The following MYO18A variants were observed in gnomAD, a reference collection of about 807,000 sequenced individuals.
The protein encoded by MYO18A is myosin XVIIIA, also known as unconventional myosin-XVIIIa.
MYO18A carries 78 observed loss-of-function variants against 235.8 expected under a neutral mutation model. That is an observed-to-expected ratio of 0.33 (90% CI 0.28 to 0.40). The LOEUF (loss-of-function observed/expected upper bound fraction) is 0.40, where lower values mean the gene tolerates loss of function less well. Ranked by LOEUF, MYO18A falls within the 10% of genes least tolerant of loss-of-function variation. The pLI is 1.00. For missense variants in MYO18A, 2,215 were observed against 2,699.3 expected (o/e 0.82, Z 3.98); for synonymous variants, 977 against 1,077.8 (o/e 0.91, Z 1.83).
chr17:29,156,067 C>T (rs1666072596), intron 2 of MYO18A, among the ~76,000 whole-genome samples: 1 of 152,230 alleles, frequency 6.6e-6, no homozygotes, highest in Admixed American at 6.5e-5. Context: ...TCTCTCCTCC[C>T]TGGTAGGGAC....
chr17:29,141,917 G>A (rs571733063), intron 2 of MYO18A, among the ~76,000 whole-genome samples: 1 of 152,342 alleles, frequency 6.6e-6, no homozygotes, highest in African/African-American at 2.4e-5. Context: ...ATTGGTCTGG[G>A]AGCAGGGGCC....
chr17:29,110,203 C>A, intron 18 of MYO18A, 102 bp from the exon 19 acceptor site: 1 of 1,477,316 alleles, frequency 6.8e-7, no homozygotes, highest in Non-Finnish European at 9.1e-7. Flanking sequence ...GTAGCAGCGG[C>A]CCCAGCACCA....
In MYO18A at chr17:29,126,373, C is replaced by G. The variant is rs1341787804; in HGVS notation, c.1000-4120G>C. Among the ~76,000 whole-genome samples, 1 of 152,098 alleles carries G rather than the reference C, an allele frequency of 6.6e-6. No individual in the cohort carries two copies. Among genetic ancestry groups the G allele is most frequent in the African/African-American group, 2.4e-5 (1 of 41,394 alleles). On this transcript the variant is annotated intron_variant, in intron 2 of 41. Transcript: ENST00000527372. The surrounding 1 kb of genome is among the most constrained non-coding windows in gnomAD (Gnocchi z 4.1). ...CGCCCGGGAACAGGACCACGACACT[C>G]CCCACCTGCTTATGGGTTCTCCAGA...
rs1197242020 is a variant in MYO18A, at chr17:29,094,639, C to T, written c.4710+11G>A. The T allele has an allele frequency of 5.0e-6, 8 of 1,613,882 alleles. No individual in the cohort carries two copies. Among genetic ancestry groups the T allele is most frequent in the African/African-American group, 1.3e-5 (1 of 74,948 alleles). ...GCACCTCACCTCTCCCTTGGCCAAG[C>T]CCTCCTGTACCTGTTCCAGCATCTG... On this transcript the variant is annotated intron_variant, in intron 30 of 41. Coordinates refer to ENST00000527372, the MANE Select transcript of MYO18A (RefSeq NM_078471.4).
intron 18 of MYO18A, 47 bp from the exon 19 acceptor site, chr17:29,110,148 C>T (rs1357407396): frequency 6.3e-7 from 1 of 1,587,878 alleles, no homozygotes; most frequent in South Asian, 1.1e-5. Flanking sequence ...ATGGCCTGTG[C>T]TCAGAAGAGC....
At chr17:29,085,798 A>G (rs956163281) in intron 39 of MYO18A, 150 bp from the exon 40 acceptor site, 4 of 731,712 alleles carry the variant, frequency 5.5e-6, no homozygotes, top group Non-Finnish European at 9.4e-6. Flanking sequence ...GGGATGCGTG[A>G]TGGCACTGTC....
At chr17:29,143,161 A>C (rs1190374438) in intron 2 of MYO18A, among the ~76,000 whole-genome samples, 1 of 152,180 alleles carries the variant, frequency 6.6e-6, no homozygotes, top group East Asian at 1.9e-4. Context: ...CACCTACCAC[A>C]TGGGGTTATT....
chr17:29,107,098 G>A lies in MYO18A; in HGVS notation c.3423C>T (p.Ile1141=), dbSNP rs141904344. The A allele has an allele frequency of 5.8e-5, 94 of 1,613,984 alleles. No individual in the cohort carries two copies. The East Asian group carries it at 1.9e-3, about 32-fold the overall frequency. ...GACCTACCCGCCTTTCATCCACCAC[G>A]ATGTAGTTACGCCCGTGTTTCTTGG... ...HLTKKHGRNY[I]VVDERRAVEE... is the part of the protein sequence containing the mutation. The change falls in exon 20 of 42, where the codon ATC becomes ATT. Residue 1141 remains isoleucine, a synonymous_variant. Coordinates refer to ENST00000527372, the MANE Select transcript of MYO18A (RefSeq NM_078471.4).
chr17:29,159,063 A>G (rs2068118189), intron 2 of MYO18A, among the ~76,000 whole-genome samples: 1 of 152,094 alleles, frequency 6.6e-6, no homozygotes, highest in South Asian at 2.1e-4. Flanking sequence ...TCATGTACCC[A>G]TACTCAGGTC....
At chr17:29,170,716 C>T (rs1206160273) in intron 1 of MYO18A, among the ~76,000 whole-genome samples, 1 of 152,166 alleles carries the variant, frequency 6.6e-6, no homozygotes, top group East Asian at 1.9e-4. Flanking sequence ...CTTGCTCTTA[C>T]TATCCCCAAA....
At position 29,097,824 on chromosome 17, in the gene MYO18A, C is replaced by T; in HGVS notation, c.4066G>A (p.Ala1356Thr). ...EVMEARLIRAAEINGEVDDDD... is the reference protein window; with the variant it reads ...EVMEARLIRATEINGEVDDDD... Reference sequence around the variant, plus strand: ...TCATCCACTTCCCCGTTGATCTCCGCTGCCCGGATGAGACGGGCCTCCATC... The same window carrying T: ...TCATCCACTTCCCCGTTGATCTCCGTTGCCCGGATGAGACGGGCCTCCATC... Residue 1356 changes from alanine (A) to threonine (T), a missense_variant, in exon 26 of 42, where the codon GCG becomes ACG. Coordinates refer to ENST00000527372, the MANE Select transcript of MYO18A (RefSeq NM_078471.4). 4.3e-6 allele frequency: 7 copies of T among 1,613,818 alleles called. No individual in the cohort carries two copies. The highest frequency in any genetic ancestry group is 5.9e-6 in the Non-Finnish European group (7 of 1,179,784).
intron 1 of MYO18A, among the ~76,000 whole-genome samples, chr17:29,175,351 A>G (rs990386483): frequency 6.8e-6 from 1 of 146,306 alleles, no homozygotes; most frequent in Admixed American, 6.8e-5. Context: ...TTTTTCTTCT[A>G]CTTTTATTTC....
At chr17:29,175,364 C>CT (rs34825590) in intron 1 of MYO18A, among the ~76,000 whole-genome samples, 11,533 of 133,016 alleles carry the variant, frequency 0.087, 857 homozygotes, top group African/African-American at 0.19. Context: ...TTTATTTCAT[C>CT]TTTTTTTTTT....
chr17:29,140,858 G>A lies in MYO18A; in HGVS notation c.1000-18605C>T, dbSNP rs1231091258. Among the ~76,000 whole-genome samples, 6 of 152,146 alleles carry A rather than the reference G, an allele frequency of 3.9e-5. No homozygotes were observed. Among genetic ancestry groups the A allele is most frequent in the Admixed American group, 3.9e-4 (6 of 15,272 alleles). On this transcript the variant is annotated intron_variant, in intron 2 of 41. Coordinates refer to ENST00000527372, the MANE Select transcript of MYO18A (RefSeq NM_078471.4). This position sits in a 1 kb window ranked among gnomAD's most constrained non-coding sequence, Gnocchi z 4.2. ...AACATTCAATCAACACAGTGTTCTT[G>A]AGAACACCCAAATCATAGGCCTACC...
chr17:29,092,948 G>A lies in MYO18A; in HGVS notation c.4980C>T (p.Arg1660=), dbSNP rs2066432708. ...SEKRLRKDLK[R]TKALLADAQL... ...GGGCATCTGCCAGCAGGGCCTTGGT[G>A]CGCTTCAGGTCCTTCCGCAGCCGCT... Residue 1660 remains arginine, a synonymous_variant, in exon 33 of 42, where the codon CGC becomes CGT. Transcript: ENST00000527372. 6.2e-6 allele frequency: 10 copies of A among 1,613,854 alleles called. No individual in the cohort carries two copies. Among genetic ancestry groups the A allele is most frequent in the Non-Finnish European group, 7.6e-6 (9 of 1,179,836 alleles).
Position 29,107,195 on chromosome 17 carries a change from G to C in MYO18A, c.3332-6C>G, listed in dbSNP as rs1477532380. 1 of 1,613,770 alleles carries C rather than the reference G, an allele frequency of 6.2e-7. No individual in the cohort carries two copies. Among genetic ancestry groups the C allele is most frequent in the Admixed American group, 1.7e-5 (1 of 60,010 alleles). ...CACCATGTGGTCAGGGTAACCTAGA[G>C]AGAGCAGCCCAGAGCCAGGCCTGTC... On this transcript the variant is annotated splice_region_variant and splice_polypyrimidine_tract_variant and intron_variant, in intron 19 of 41. Coordinates refer to ENST00000527372, the MANE Select transcript of MYO18A (RefSeq NM_078471.4).
Position 29,121,271 on chromosome 17 carries a change from C to T in MYO18A, c.1372-60G>A. ...CTCTTAGCTGATCCCATTAAGACAC[C>T]CCTCACCCCCAAGGTCCACATCTTT... On this transcript the variant is annotated intron_variant, in intron 5 of 41. Coordinates refer to ENST00000527372, the MANE Select transcript of MYO18A (RefSeq NM_078471.4). This position sits in a 1 kb window ranked among gnomAD's most constrained non-coding sequence, Gnocchi z 4.2. The T allele has an allele frequency of 6.6e-7, 1 of 1,512,512 alleles. No individual in the cohort carries two copies. Among genetic ancestry groups the T allele is most frequent in the Non-Finnish European group, 9.0e-7 (1 of 1,114,074 alleles). The allele number at this position is 1,512,512 out of a possible 1,614,324, so 93.7% of individuals were successfully genotyped here.
intron 2 of MYO18A, among the ~76,000 whole-genome samples, chr17:29,138,124 A>G (rs1377065253): frequency 1.3e-5 from 2 of 151,974 alleles, no homozygotes; most frequent in Non-Finnish European, 2.9e-5. Context: ...CACAGGAGGG[A>G]ATGGGGGCAC....
chr17:29,179,793 A>G (rs2068608419), intron 1 of MYO18A, among the ~76,000 whole-genome samples: 2 of 152,144 alleles, frequency 1.3e-5, no homozygotes, highest in South Asian at 4.1e-4. Flanking sequence ...CTTTGAGAGG[A>G]GCCCGCAGTC....
Sources: gnomAD v4.1 joint callset for allele counts (sites outside exome capture counted in the v4.1 genomes callset) on GRCh38, gnomAD v4.1.1 for gene constraint, Gnocchi (gnomAD v3.1) non-coding constraint, MANE v1.5 for transcripts, NCBI Gene and HGNC (gene_info 2026-07-23, HGNC 2026-07-21) for gene names.